Variants in SMYD2 observed in about 807,000 individuals in gnomAD.
The protein encoded by SMYD2 is SET and MYND domain containing 2, also known as N-lysine methyltransferase SMYD2.
SMYD2 carries 53 observed loss-of-function variants against 59.1 expected under a neutral mutation model. The observed-to-expected ratio is 0.90, with a 90% CI of 0.72 to 1.13. The LOEUF (loss-of-function observed/expected upper bound fraction) is 1.13, where lower values mean the gene tolerates loss of function less well. SMYD2 is among the 50% of genes most tolerant of loss of function. The pLI is 0.00. For missense variants in SMYD2, 494 were observed against 544.7 expected, an observed-to-expected ratio of 0.91 and a Z score of 0.93; for synonymous variants, 208 against 198.8, an observed-to-expected ratio of 1.05 and a Z score of -0.39.
Position 214,311,276 on chromosome 1 carries a change from C to T in SMYD2, c.238-3486C>T, listed in dbSNP as rs533362933. On this transcript the variant is annotated intron_variant, in intron 2 of 11. Coordinates refer to ENST00000366957, the MANE Select transcript of SMYD2 (RefSeq NM_020197.3). Reference sequence around the variant, plus strand: ...AGCGCAGCCTGTGCCGGGCACCGTTCTGAGTGCTTCTTGTGGATCTGCTGA... The same window carrying T: ...AGCGCAGCCTGTGCCGGGCACCGTTTTGAGTGCTTCTTGTGGATCTGCTGA... 4.6e-5 allele frequency among the ~76,000 whole-genome samples: 7 copies of T among 152,338 alleles called. No homozygotes were observed. In the South Asian group the frequency reaches 1.5e-3, roughly 32 times the overall value.
chr1:214,331,317 T>C (rs1444149497), intron 9 of SMYD2: 2 of 456,934 alleles, frequency 4.4e-6, no homozygotes, highest in African/African-American at 4.0e-5. Context: ...TGGAGGACCA[T>C]GAAGGACAGA....
rs141849218 is a variant in SMYD2, at chr1:214,334,267, G to T, written c.1180G>T (p.Gly394Cys). ...GTTGAAGCTAGGGAGACTCTACATG[G>T]GCCTGGAACACAAAGCCGCAGGGGA... ...MWLKLGRLYM[G>C]LEHKAAGEKA... The change falls in exon 11 of 12, where the codon GGC (glycine) becomes TGC (cysteine). Residue 394 changes from glycine (G) to cysteine (C), a missense_variant. Transcript: ENST00000366957. 1.6e-3 allele frequency: 2,508 copies of T among 1,613,932 alleles called. 28 individuals carry two copies. The highest frequency in any genetic ancestry group is 0.01 in the South Asian group (930 of 91,070).
chr1:214,332,186 C>A lies in SMYD2; in HGVS notation c.1106C>A (p.Pro369His), dbSNP rs1487597648. 1 of 1,613,780 alleles carries A rather than the reference C, an allele frequency of 6.2e-7. No individual in the cohort carries two copies. Among genetic ancestry groups the A allele is most frequent in the African/African-American group, 1.3e-5 (1 of 74,896 alleles). ...CAATATGGACAGAAAATCATTAAGCCCTACAGGTGATTGCAGAGGCTGTTC... is the reference window on the plus strand; with the variant it reads ...CAATATGGACAGAAAATCATTAAGCACTACAGGTGATTGCAGAGGCTGTTC... ...ALQYGQKIIK[P>H]YSKHYPLYSL... The change falls in exon 10 of 12, where the codon CCC (proline) becomes CAC (histidine). Residue 369 changes from proline (P) to histidine (H), a missense_variant. By Grantham distance (77) the Pro-to-His change is moderately conservative. Transcript: ENST00000366957.
intron 2 of SMYD2, among the ~76,000 whole-genome samples, chr1:214,310,573 C>T (rs1290207448): frequency 1.4e-5 from 2 of 144,010 alleles, no homozygotes; most frequent in African/African-American, 2.6e-5. Context: ...GCAGTCAGGG[C>T]AGGAGCACTA....
intron 2 of SMYD2, among the ~76,000 whole-genome samples, chr1:214,313,934 T>C (rs995519759): frequency 2.0e-5 from 3 of 152,064 alleles, no homozygotes. Context: ...ATCCCTGCAC[T>C]TTGGGAGGCC....
intron 1 of SMYD2, among the ~76,000 whole-genome samples, chr1:214,302,984 C>T (rs1180109599): frequency 6.6e-6 from 1 of 152,022 alleles, no homozygotes; most frequent in East Asian, 1.9e-4. Flanking sequence ...TTTAGGTGGC[C>T]CCTGAGCCTT....
At chr1:214,294,738 A>G (rs1046099914) in intron 1 of SMYD2, among the ~76,000 whole-genome samples, 1 of 152,206 alleles carries the variant, frequency 6.6e-6, no homozygotes, top group Non-Finnish European at 1.5e-5. Context: ...CTGGACAGGT[A>G]GTTAACACAT....
intron 11 of SMYD2, 51 bp downstream of exon 11, chr1:214,334,359 A>G (rs1172297604): frequency 6.7e-7 from 1 of 1,497,190 alleles, no homozygotes; most frequent in Non-Finnish European, 9.3e-7. Flanking sequence ...TGGCCTCCTT[A>G]GCGCACCTCC....
At chr1:214,321,103 C>T (rs556279434) in intron 5 of SMYD2, among the ~76,000 whole-genome samples, 8 of 152,166 alleles carry the variant, frequency 5.3e-5, no homozygotes, top group Admixed American at 3.9e-4. Context: ...ATGTTGATGC[C>T]GTAGTTACAG....
rs116431576 is a variant in SMYD2, at chr1:214,283,185, G to A, written c.173+1758G>A. On this transcript the variant is annotated intron_variant, in intron 1 of 11. Transcript: ENST00000366957. ...TAAGTCTCCTAATTGTATCTACTAC[G>A]CATACCCCCAACCTTAGAACATTAA... Among the ~76,000 whole-genome samples, 356 of 152,278 alleles carry A rather than the reference G, an allele frequency of 2.3e-3. 3 individuals carry two copies. The highest frequency in any genetic ancestry group is 8.0e-3 in the African/African-American group (331 of 41,548).
At chr1:214,296,426 T>C (rs987331663) in intron 1 of SMYD2, among the ~76,000 whole-genome samples, 1 of 152,216 alleles carries the variant, frequency 6.6e-6, no homozygotes, top group African/African-American at 2.4e-5. Flanking sequence ...AGAGCCCTTC[T>C]GTTCACAGTA....
intron 2 of SMYD2, among the ~76,000 whole-genome samples, chr1:214,307,360 C>A (rs980120995): frequency 2.6e-5 from 4 of 152,130 alleles, no homozygotes; most frequent in African/African-American, 9.7e-5. Context: ...TATTACAGTC[C>A]ACAGGAAAAT....
rs1411991421 is a variant in SMYD2, at chr1:214,318,388, T to C, written c.409+249T>C. ...CAAAATGAATTATTGCACCCTGAGC[T>C]ACCTCCTGCTGGCCCTCTTGGCATG... On this transcript the variant is annotated intron_variant, in intron 4 of 11. Transcript: ENST00000366957. The surrounding 1 kb of genome is among the most constrained non-coding windows in gnomAD (Gnocchi z 5.4). Among the ~76,000 whole-genome samples the C allele has an allele frequency of 6.6e-6, 1 of 152,244 alleles. No individual in the cohort carries two copies. The highest frequency in any genetic ancestry group is 2.4e-5 in the African/African-American group (1 of 41,478).
At chr1:214,317,969 C>T (rs979455469) in intron 3 of SMYD2, 110 bp from the exon 4 acceptor site, 4 of 1,045,758 alleles carry the variant, frequency 3.8e-6, no homozygotes, top group Non-Finnish European at 5.9e-6. Flanking sequence ...TGTTTTACTT[C>T]CTTAAGAATT....
rs954377945 is a variant in SMYD2 at position 214,312,262 on chromosome 1, C to A, written c.238-2500C>A. ...ATTAAGTGACATTATGTGCTTCCTT[C>A]TTGGGGGATCAGTGTGGAGGGAAGC... On this transcript the variant is annotated intron_variant, in intron 2 of 11. Transcript: ENST00000366957. This position sits in a 1 kb window ranked among gnomAD's most constrained non-coding sequence, Gnocchi z 4.1. Among the ~76,000 whole-genome samples the A allele has an allele frequency of 1.3e-5, 2 of 152,166 alleles. No homozygotes were observed. The highest frequency in any genetic ancestry group is 4.8e-5 in the African/African-American group (2 of 41,432).
intron 2 of SMYD2, among the ~76,000 whole-genome samples, chr1:214,307,683 A>G (rs1397868199): frequency 6.6e-6 from 1 of 152,084 alleles, no homozygotes; most frequent in Non-Finnish European, 1.5e-5. Flanking sequence ...CAGTATTTTG[A>G]TGAATCGTCA....
At chr1:214,315,090 G>C (rs1657063299) in intron 3 of SMYD2, among the ~76,000 whole-genome samples, 1 of 152,148 alleles carries the variant, frequency 6.6e-6, no homozygotes. Flanking sequence ...CCTAGACCAG[G>C]AGCATAGCCA....
chr1:214,293,919 G>A (rs908552861), intron 1 of SMYD2, among the ~76,000 whole-genome samples: 6 of 151,290 alleles, frequency 4.0e-5, no homozygotes, highest in African/African-American at 1.2e-4. Context: ...TAGGTGATCC[G>A]CCTGCCTCGG....
intron 3 of SMYD2, 145 bp from the exon 4 acceptor site, chr1:214,317,934 C>A: frequency 1.3e-6 from 1 of 773,506 alleles, no homozygotes; most frequent in African/African-American, 1.7e-5. Context: ...GTGGAGAGCC[C>A]TAGTGGTGGA....
Sources: allele counts gnomAD v4.1 joint callset (sites outside exome capture counted in the v4.1 genomes callset), GRCh38; gene constraint gnomAD v4.1.1; non-coding constraint Gnocchi (gnomAD v3.1); transcripts MANE v1.5; gene names NCBI Gene and HGNC (gene_info 2026-07-23, HGNC 2026-07-21).